Variants in SNAPC4 observed in about 807,000 individuals in gnomAD.
SNAPC4 encodes the protein small nuclear RNA activating complex polypeptide 4.
SNAPC4 carries 127 observed loss-of-function variants against 151.3 expected under a neutral mutation model. The ratio of observed to expected loss-of-function variants is 0.84; its 90% CI spans 0.73 to 0.97. SNAPC4 has a LOEUF of 0.97. Among genes scored for constraint, SNAPC4 ranks in the 50% least tolerant of loss-of-function variants. SNAPC4 has a pLI of 0.00. For synonymous variants in SNAPC4, 1,002 were observed against 824.4 expected, an observed-to-expected ratio of 1.22 and a Z score of -3.69; for missense variants, 2,186 against 1,935.0, an observed-to-expected ratio of 1.13 and a Z score of -2.43.
intron 13 of SNAPC4, among the ~76,000 whole-genome samples, chr9:136,386,886 G>A (rs903811538): frequency 6.6e-6 from 1 of 152,148 alleles, no homozygotes; most frequent in Non-Finnish European, 1.5e-5. Flanking sequence ...CCAAGTAGCT[G>A]GGATTACAGG....
Position 136,377,584 on chromosome 9 carries a change from C to T in SNAPC4, c.4243G>A (p.Asp1415Asn). The change falls in exon 22 of 24, where the codon GAC (aspartate) becomes AAC (asparagine). Residue 1415 changes from aspartate (D) to asparagine (N), a missense_variant. Asp to Asn is a conservative substitution (Grantham distance 23). Transcript: ENST00000684778. The stretch of plus-strand genomic sequence containing the variant: ...GCTGTCGTGCAGCCCGGCTGCCCGT[C>T]CCTGTCTGCAAGTTCCAGCTCACTC... ...LLSELELADRDGQPGCTTATC... is the reference protein window; with the variant it reads ...LLSELELADRNGQPGCTTATC... The T allele has an allele frequency of 6.5e-7, 1 of 1,527,284 alleles. No individual in the cohort carries two copies. Among genetic ancestry groups the T allele is most frequent in the Non-Finnish European group, 8.8e-7 (1 of 1,135,220 alleles). The allele number at this position is 1,527,284 out of a possible 1,614,324, so 94.6% of individuals were successfully genotyped here.
At chr9:136,377,090 G>C (rs889808733) in intron 22 of SNAPC4, among the ~76,000 whole-genome samples, 1 of 152,214 alleles carries the variant, frequency 6.6e-6, no homozygotes, top group Non-Finnish European at 1.5e-5. Context: ...CTCTCCCCAA[G>C]GACACTCAGA....
In SNAPC4 at chr9:136,377,792, T is replaced by C. The variant is rs755171644; in HGVS notation, c.4035A>G (p.Gln1345=). The C allele has an allele frequency of 5.0e-6, 8 of 1,611,946 alleles. No individual in the cohort carries two copies. The highest frequency in any genetic ancestry group is 6.8e-6 in the Non-Finnish European group (8 of 1,179,694). Reference sequence around the variant, plus strand: ...GCCCCCGCACCAGCCCCAGTGAGGCTTGCAGTGCTCCGGCCGGCCGCTCAG... The same window carrying C: ...GCCCCCGCACCAGCCCCAGTGAGGCCTGCAGTGCTCCGGCCGGCCGCTCAG... ...GEAERPAGAL[Q]ASLGLVRGQL... is the part of the protein sequence containing the mutation. Residue 1345 remains glutamine, a synonymous_variant, in exon 22 of 24, where the codon CAA becomes CAG. Coordinates refer to ENST00000684778, the MANE Select transcript of SNAPC4 (RefSeq NM_003086.4).
chr9:136,394,357 T>TG (rs778184881), intron 6 of SNAPC4, 27 bp from the exon 7 acceptor site: 83 of 1,589,506 alleles, frequency 5.2e-5, no homozygotes, highest in Non-Finnish European at 6.8e-5. Context: ...GCATCATCAC[T>TG]GGGGGTCTGG....
At position 136,378,697 on chromosome 9, in the gene SNAPC4, G is replaced by T. The variant is rs562966324; in HGVS notation, c.3130C>A (p.Leu1044Ile). 2 of 1,497,056 alleles carry T rather than the reference G, an allele frequency of 1.3e-6. No individual in the cohort carries two copies. Among genetic ancestry groups the T allele is most frequent in the Non-Finnish European group, 8.9e-7 (1 of 1,122,940 alleles). The allele number at this position is 1,497,056 out of a possible 1,614,324, so 92.7% of individuals were successfully genotyped here. A position where few individuals can be genotyped will look rare whatever the true frequency, so the allele number is the denominator to read the frequency against. Residue 1044 changes from leucine to isoleucine, a missense_variant, in exon 22 of 24, where the codon CTC becomes ATC. By Grantham distance (5) the Leu-to-Ile change is conservative. Transcript: ENST00000684778. ...GGGGTGGGGCTGGGGGCTGCGGGGA[G>T]AAAGGGTGGCGCCTCAGGCAGGCCC... ...KQGLPEAPPFLPAAPSPTPLP... is the reference protein window; with the variant it reads ...KQGLPEAPPFIPAAPSPTPLP...
intron 11 of SNAPC4, 136 bp downstream of exon 11, chr9:136,388,308 G>T (rs532190635): frequency 2.8e-6 from 2 of 718,888 alleles, no homozygotes; most frequent in African/African-American, 1.8e-5. Flanking sequence ...ACCAAGAAGC[G>T]AACTGTGGAA....
Position 136,378,637 on chromosome 9 carries a change from C to T in SNAPC4, c.3190G>A (p.Gly1064Arg), listed in dbSNP as rs1479253829. ...ACACTGGTCGCCACATGTGGCCCTC[C>T]TATGTGCGTCAGGCTGAGGGGCTGG... is the stretch of plus-strand genomic sequence containing the variant. Reference protein sequence around the residue: ...PVQPLSLTHIGGPHVATSVPL... With the variant: ...PVQPLSLTHIRGPHVATSVPL... Residue 1064 changes from glycine (G) to arginine (R), a missense_variant, in exon 22 of 24, where the codon GGA becomes AGA. Transcript: ENST00000684778. 9.1e-6 allele frequency: 14 copies of T among 1,545,858 alleles called. No homozygotes were observed. The East Asian group carries it at 3.3e-4, about 36-fold the overall frequency.
chr9:136,378,447 G>T lies in SNAPC4; in HGVS notation c.3380C>A (p.Ala1127Asp), dbSNP rs766672448. The T allele has an allele frequency of 6.3e-7, 1 of 1,589,932 alleles. No homozygotes were observed. Among genetic ancestry groups the T allele is most frequent in the Non-Finnish European group, 8.5e-7 (1 of 1,172,054 alleles). ...CTGCCAAGAGCTGCTCAACGCTGGG[G>T]CCCTGGGGCCCTGGGCCGCCCGAGT... ...TETRAAQGPR[A>D]PALSSSWQPP... Residue 1127 changes from alanine to aspartate, a missense_variant, in exon 22 of 24, where the codon GCC (alanine) becomes GAC (aspartate). Physicochemically the swap from Ala to Asp is moderately radical, Grantham distance 126. Transcript: ENST00000684778.
intron 10 of SNAPC4, among the ~76,000 whole-genome samples, chr9:136,390,811 A>G: frequency 6.6e-6 from 1 of 152,130 alleles, no homozygotes; most frequent in Middle Eastern, 3.4e-3. Flanking sequence ...ATATACATAG[A>G]AGAAAAACCG....
In SNAPC4 at chr9:136,378,826, G is replaced by T; in HGVS notation, c.3001C>A (p.Pro1001Thr). 3 of 1,599,842 alleles carry T rather than the reference G, an allele frequency of 1.9e-6. No individual in the cohort carries two copies. The highest frequency in any genetic ancestry group is 2.6e-6 in the Non-Finnish European group (3 of 1,173,292). The change falls in exon 22 of 24, where the codon CCT becomes ACT. Residue 1001 changes from proline (P) to threonine (T), a missense_variant. Transcript: ENST00000684778. Reference sequence around the variant, plus strand: ...AGGGCAGGGGCTTGGGAAGCAGCAGGGGCTGTGCCCTCGGCCTCTGAGAAG... The same window carrying T: ...AGGGCAGGGGCTTGGGAAGCAGCAGTGGCTGTGCCCTCGGCCTCTGAGAAG... ...PVFSEAEGTA[P>T]AASQAPALGP...
At position 136,388,525 on chromosome 9, in the gene SNAPC4, C is replaced by G; in HGVS notation, c.1042G>C (p.Glu348Gln). The stretch of plus-strand genomic sequence containing the variant: ...ATGCGGTCCTCCTCCTCTGTCCACT[C>G]CTTGCGTTTCAGAGCTTTGTTGTGC... ...QQHNKALKRK[E>Q]WTEEEDRMLT... The change falls in exon 11 of 24, where the codon GAG becomes CAG. Residue 348 changes from glutamate to glutamine, a missense_variant. Transcript: ENST00000684778. 1.2e-6 allele frequency: 2 copies of G among 1,614,092 alleles called. No individual in the cohort carries two copies. Among genetic ancestry groups the G allele is most frequent in the Non-Finnish European group, 1.7e-6 (2 of 1,180,028 alleles).
In SNAPC4 at chr9:136,379,361, C is replaced by A; in HGVS notation, c.2528-62G>T. The A allele has an allele frequency of 3.8e-6, 6 of 1,596,856 alleles. No individual in the cohort carries two copies. The South Asian group carries it at 6.8e-5, about 18-fold the overall frequency. ...GGCATCTGGCCCAGGGACAGCCCCT[C>A]GCTGCCATCCCCTCATCAGGAGGGA... On this transcript the variant is annotated intron_variant, in intron 21 of 23. Coordinates refer to ENST00000684778, the MANE Select transcript of SNAPC4 (RefSeq NM_003086.4).
intron 12 of SNAPC4, 40 bp from the exon 13 acceptor site, chr9:136,387,619 G>A (rs754291855): frequency 2.1e-5 from 32 of 1,498,170 alleles, no homozygotes; most frequent in Non-Finnish European, 3.0e-5. Context: ...GCCTCTGCAG[G>A]TACGGCTGCA....
intron 7 of SNAPC4, 147 bp downstream of exon 7, chr9:136,394,102 G>A (rs1789516385): frequency 4.3e-6 from 3 of 693,522 alleles, no homozygotes; most frequent in Non-Finnish European, 7.8e-6. Context: ...ACTTTTTGAA[G>A]AGATGGGGTC....
intron 17 of SNAPC4, 25 bp downstream of exon 17, chr9:136,382,228 C>G: frequency 6.2e-7 from 1 of 1,609,680 alleles, no homozygotes; most frequent in African/African-American, 1.3e-5. Flanking sequence ...GTGGCGTGCG[C>G]GTGGGTGTCT....
At chr9:136,387,278 G>A (rs559787370) in intron 13 of SNAPC4, among the ~76,000 whole-genome samples, 1 of 152,322 alleles carries the variant, frequency 6.6e-6, no homozygotes, top group Non-Finnish European at 1.5e-5. Flanking sequence ...ACAGAAGTCA[G>A]GCTTGGAAAA....
chr9:136,395,854 C>T, intron 3 of SNAPC4, 84 bp from the exon 4 acceptor site: 1 of 1,370,460 alleles, frequency 7.3e-7, no homozygotes, highest in South Asian at 1.3e-5. Flanking sequence ...CATCGCTGGG[C>T]CTCTGGGACA....
In SNAPC4 at chr9:136,378,236, T is replaced by C. The variant is rs747227591; in HGVS notation, c.3591A>G (p.Glu1197=). The C allele has an allele frequency of 2.2e-5, 35 of 1,611,030 alleles. No individual in the cohort carries two copies. In the East Asian group the frequency reaches 5.4e-4, roughly 25 times the overall value. ...PRTSSHADPP[E]AEPPWSGRLP... ...GCCTCCCGGACCAAGGGGGTTCTGC[T>C]TCAGGAGGGTCAGCGTGGGAGGACG... is the stretch of plus-strand genomic sequence containing the variant. The change falls in exon 22 of 24, where the codon GAA becomes GAG. Residue 1197 remains glutamate (E), a synonymous_variant. Coordinates refer to ENST00000684778, the MANE Select transcript of SNAPC4 (RefSeq NM_003086.4).
Position 136,379,302 on chromosome 9 carries a change from G to A in SNAPC4, c.2528-3C>T, listed in dbSNP as rs766083244. ...CGGCACGTTTGGGAAGAGGTGGCCTGTGGGGAGGAAAGACCCACACTTGAT... is the reference window on the plus strand; with the variant it reads ...CGGCACGTTTGGGAAGAGGTGGCCTATGGGGAGGAAAGACCCACACTTGAT... On this transcript the variant is annotated splice_region_variant and splice_polypyrimidine_tract_variant and intron_variant, in intron 21 of 23. Transcript: ENST00000684778. The A allele has an allele frequency of 1.9e-6, 3 of 1,612,346 alleles. No individual in the cohort carries two copies. Among genetic ancestry groups the A allele is most frequent in the Non-Finnish European group, 1.7e-6 (2 of 1,179,816 alleles).
Sources: gnomAD v4.1 joint callset for allele counts (sites outside exome capture counted in the v4.1 genomes callset) on GRCh38, gnomAD v4.1.1 for gene constraint, MANE v1.5 for transcripts, NCBI Gene and HGNC (gene_info 2026-07-23, HGNC 2026-07-21) for gene names.